Variants in PTPRM observed in about 807,000 individuals in gnomAD.
PTPRM encodes the protein protein tyrosine phosphatase receptor type M, also known as receptor-type tyrosine-protein phosphatase mu.
In PTPRM, 47 loss-of-function variants were observed where a neutral mutation model predicts 186.7. The observed-to-expected ratio is 0.25, with a 90% CI of 0.20 to 0.32. The LOEUF (loss-of-function observed/expected upper bound fraction) is 0.32, where lower values mean the gene tolerates loss of function less well. PTPRM is among the 10% of genes least tolerant of loss of function. The pLI is 1.00. For missense variants in PTPRM, 1,494 were observed against 1,865.0 expected, an observed-to-expected ratio of 0.80 and a Z score of 3.66; for synonymous variants, 668 against 674.9, an observed-to-expected ratio of 0.99 and a Z score of 0.16.
At chr18:8,118,128 T>C (rs774755035) in intron 13 of PTPRM, among the ~76,000 whole-genome samples, 2 of 152,200 alleles carry the variant, frequency 1.3e-5, no homozygotes, top group Non-Finnish European at 2.9e-5. Flanking sequence ...TAATTTCTTA[T>C]ATTGAATGAG....
chr18:8,123,296 A>T (rs2092239281), intron 13 of PTPRM, among the ~76,000 whole-genome samples: 1 of 152,166 alleles, frequency 6.6e-6, no homozygotes. Flanking sequence ...TATGATTTTC[A>T]CTCCAGCAAT....
intron 14 of PTPRM, among the ~76,000 whole-genome samples, chr18:8,210,312 A>C (rs1680557884): frequency 6.6e-6 from 1 of 152,124 alleles, no homozygotes; most frequent in Non-Finnish European, 1.5e-5. Context: ...CTCTGCCTCA[A>C]AAAAAGGGGT....
intron 1 of PTPRM, among the ~76,000 whole-genome samples, chr18:7,607,817 T>A (rs1046072479): frequency 6.6e-6 from 1 of 152,202 alleles, no homozygotes; most frequent in African/African-American, 2.4e-5. Context: ...GCTCATCCTC[T>A]CTTCGTATAT....
At chr18:7,597,690 T>C (rs989660925) in intron 1 of PTPRM, among the ~76,000 whole-genome samples, 5 of 152,208 alleles carry the variant, frequency 3.3e-5, no homozygotes, top group Admixed American at 6.5e-5. Flanking sequence ...GATTATGGAA[T>C]GTCCAGTGGG....
chr18:8,148,547 G>A (rs561936384), intron 14 of PTPRM, among the ~76,000 whole-genome samples: 28 of 151,602 alleles, frequency 1.8e-4, no homozygotes, highest in African/African-American at 2.9e-4. Flanking sequence ...TCTTTTCTTC[G>A]TTATTAGTCT....
chr18:7,977,504 A>G (rs2055034921), intron 7 of PTPRM, among the ~76,000 whole-genome samples: 1 of 152,110 alleles, frequency 6.6e-6, no homozygotes, highest in African/African-American at 2.4e-5. Context: ...CAGCCTTGGA[A>G]TATAGAGATA....
intron 17 of PTPRM, among the ~76,000 whole-genome samples, chr18:8,251,217 G>A (rs541623637): frequency 5.9e-5 from 9 of 152,306 alleles, no homozygotes; most frequent in East Asian, 1.9e-4. Flanking sequence ...GTGTATCCAC[G>A]TGAAGGACCC....
intron 1 of PTPRM, among the ~76,000 whole-genome samples, chr18:7,678,448 T>C (rs2039400790): frequency 6.6e-6 from 1 of 152,154 alleles, no homozygotes; most frequent in Non-Finnish European, 1.5e-5. Context: ...CAGGGAGCAC[T>C]GAGAGGAGTG....
At chr18:8,289,258 G>T (rs920553813) in intron 19 of PTPRM, among the ~76,000 whole-genome samples, 1 of 151,536 alleles carries the variant, frequency 6.6e-6, no homozygotes, top group Non-Finnish European at 1.5e-5. Context: ...TGGATCAACA[G>T]GAAATATATG....
At chr18:7,661,067 C>T (rs2144382197) in intron 1 of PTPRM, among the ~76,000 whole-genome samples, 1 of 152,270 alleles carries the variant, frequency 6.6e-6, no homozygotes, top group Admixed American at 6.5e-5. Context: ...CTTCAGGCTA[C>T]AGCAGAAATA....
At chr18:8,228,096 G>C (rs113825937) in intron 14 of PTPRM, among the ~76,000 whole-genome samples, 1 of 152,226 alleles carries the variant, frequency 6.6e-6, no homozygotes, top group African/African-American at 2.4e-5. Context: ...GCTCACGTGA[G>C]CTGTGGGTTA....
chr18:7,686,852 C>T (rs991771583), intron 1 of PTPRM, among the ~76,000 whole-genome samples: 5 of 151,996 alleles, frequency 3.3e-5, no homozygotes, highest in Non-Finnish European at 4.4e-5. Context: ...TCCAACCAGC[C>T]AACAAGCCAC....
At chr18:8,138,012 G>A (rs1477789518) in intron 13 of PTPRM, among the ~76,000 whole-genome samples, 1 of 152,154 alleles carries the variant, frequency 6.6e-6, no homozygotes, top group Non-Finnish European at 1.5e-5. Context: ...CTAAATAAGG[G>A]GCTGCTAATT....
intron 22 of PTPRM, among the ~76,000 whole-genome samples, chr18:8,323,141 A>C (rs1037973189): frequency 1.5e-4 from 23 of 152,048 alleles, no homozygotes; most frequent in African/African-American, 5.1e-4. Flanking sequence ...GTTTAGTTTT[A>C]ATTTTAAAAC....
chr18:8,344,448 GTATATATATA>G (rs1207996603), intron 23 of PTPRM, among the ~76,000 whole-genome samples: 3 of 33,428 alleles, frequency 9.0e-5, no homozygotes, highest in East Asian at 4.2e-4. Context: ...GTGTGTGTGT[GTATATATATA>G]TATATATATA....
chr18:7,744,484 G>C (rs1300617328), intron 1 of PTPRM, among the ~76,000 whole-genome samples: 3 of 152,152 alleles, frequency 2.0e-5, no homozygotes, highest in Non-Finnish European at 4.4e-5. Context: ...CACTCTCAGT[G>C]CATTTTATGA....
intron 14 of PTPRM, among the ~76,000 whole-genome samples, chr18:8,180,621 A>C (rs2093559371): frequency 6.6e-6 from 1 of 152,070 alleles, no homozygotes; most frequent in African/African-American, 2.4e-5. Flanking sequence ...GGCACTTGGG[A>C]GGGGCTGCAT....
chr18:8,075,771 C>T (rs1327811964), intron 8 of PTPRM, among the ~76,000 whole-genome samples: 1 of 151,926 alleles, frequency 6.6e-6, no homozygotes, highest in African/African-American at 2.4e-5. Flanking sequence ...TCAACTTCTA[C>T]TTTGTATGTA....
intron 1 of PTPRM, among the ~76,000 whole-genome samples, chr18:7,618,119 T>G (rs558400518): frequency 6.6e-6 from 1 of 152,292 alleles, no homozygotes; most frequent in East Asian, 1.9e-4. Flanking sequence ...ATGCAACTTG[T>G]TAAATATGTA....
Sources: gnomAD v4.1 joint callset for allele counts (sites outside exome capture counted in the v4.1 genomes callset) on GRCh38, gnomAD v4.1.1 for gene constraint, MANE v1.5 for transcripts, NCBI Gene and HGNC (gene_info 2026-07-23, HGNC 2026-07-21) for gene names.